The following TARS3 variants were observed in gnomAD, a reference collection of about 807,000 sequenced individuals.
TARS3 encodes threonyl-tRNA synthetase 3, also known as threonine--tRNA ligase 2, cytoplasmic.
Under a neutral mutation model 103.5 loss-of-function variants are expected in TARS3, and 94 were observed. The observed-to-expected ratio is 0.91, with a 90% confidence interval of 0.77 to 1.08. The LOEUF (loss-of-function observed/expected upper bound fraction) is 1.08, where lower values mean the gene tolerates loss of function less well. TARS3 is among the 50% of genes least tolerant of loss of function. The pLI, the probability that TARS3 is intolerant of heterozygous loss-of-function variation, is 0.00. For synonymous variants in TARS3, 416 were observed against 355.4 expected (o/e 1.17, Z -1.92); for missense variants, 952 against 995.2 (o/e 0.96, Z 0.58).
rs1897128806 is a variant in TARS3, at chr15:101,654,578, G to A, written c.*4C>T. The A allele has an allele frequency of 5.6e-6, 9 of 1,607,116 alleles. No homozygotes were observed. The highest frequency in any genetic ancestry group is 4.5e-5 in the South Asian group (4 of 89,750). On this transcript the variant is annotated 3_prime_UTR_variant, in exon 19 of 19. Coordinates refer to ENST00000335968, the MANE Select transcript of TARS3 (RefSeq NM_152334.3). ...TACACAGAAGCAAATATCAGGGAAG[G>A]ACTTCAAAAGGCCTCCTCAGCATTG...
chr15:101,724,063 C>T, intron 1 of TARS3, 28 bp downstream of exon 1: 1 of 1,344,900 alleles, frequency 7.4e-7, no homozygotes, highest in Non-Finnish European at 9.5e-7. Context: ...CGCCCGCGTC[C>T]TCTCCAGTGT....
At chr15:101,672,021 G>A (rs987287551) in intron 13 of TARS3, among the ~76,000 whole-genome samples, 6 of 152,044 alleles carry the variant, frequency 3.9e-5, no homozygotes, top group African/African-American at 1.4e-4. Context: ...TTAGGGAGGG[G>A]TCGCTTTTGA....
chr15:101,705,713 T>G lies in TARS3; in HGVS notation c.965A>C (p.Lys322Thr), dbSNP rs1205927856. ...NKFKCRILNEKVNTATTTVYR... is the reference protein window; with the variant it reads ...NKFKCRILNETVNTATTTVYR... ...CACGGTGGTAGTTGCAGTGTTAACT[T>G]TCTCATTCAGAATGCGGCATTTAAA... is the stretch of plus-strand genomic sequence containing the variant. Residue 322 changes from lysine (K) to threonine (T), a missense_variant, in exon 7 of 19, where the codon AAA becomes ACA. Transcript: ENST00000335968. The G allele has an allele frequency of 1.2e-6, 2 of 1,611,500 alleles. No individual in the cohort carries two copies. The highest frequency in any genetic ancestry group is 2.2e-5 in the East Asian group (1 of 44,874).
At chr15:101,701,062 T>C (rs763131428) in intron 10 of TARS3, 24 bp downstream of exon 10, 8 of 1,408,888 alleles carry the variant, frequency 5.7e-6, no homozygotes, top group Non-Finnish European at 7.7e-6. Context: ...TGAATAAGAA[T>C]AAAACATTTT....
At chr15:101,654,992 A>G (rs554696806) in intron 18 of TARS3, among the ~76,000 whole-genome samples, 1 of 152,256 alleles carries the variant, frequency 6.6e-6, no homozygotes, top group African/African-American at 2.4e-5. Context: ...ACAGACTCAC[A>G]CTGACTGCAC....
At chr15:101,670,244 G>C (rs1336289007) in intron 15 of TARS3, among the ~76,000 whole-genome samples, 2 of 152,142 alleles carry the variant, frequency 1.3e-5, no homozygotes, top group East Asian at 1.9e-4. Context: ...CTACAGACCA[G>C]GGTAAAATAT....
chr15:101,678,536 T>G lies in TARS3; in HGVS notation c.1651-2799A>C, dbSNP rs148248534. Among the ~76,000 whole-genome samples the G allele has an allele frequency of 2.9e-3, 437 of 152,150 alleles. 2 individuals carry two copies. Among genetic ancestry groups the G allele is most frequent in the African/African-American group, 9.9e-3 (412 of 41,542 alleles). On this transcript the variant is annotated intron_variant, in intron 12 of 18. Coordinates refer to ENST00000335968, the MANE Select transcript of TARS3 (RefSeq NM_152334.3). ...TTTTTATTGGTTTCTCTAGGTATTA[T>G]ATAACTTATCAGTCCAGATATTGTC...
chr15:101,705,287 G>A (rs1403464069), intron 7 of TARS3, among the ~76,000 whole-genome samples: 1 of 152,208 alleles, frequency 6.6e-6, no homozygotes, highest in East Asian at 1.9e-4. Flanking sequence ...CTGGACAATG[G>A]GGCAGACTCT....
At chr15:101,700,808 A>C (rs887923953) in intron 10 of TARS3, among the ~76,000 whole-genome samples, 1 of 151,962 alleles carries the variant, frequency 6.6e-6, no homozygotes, top group Non-Finnish European at 1.5e-5. Context: ...CACTCGGCTA[A>C]TTTTTGTATT....
chr15:101,666,868 T>G (rs1320130614), intron 15 of TARS3, among the ~76,000 whole-genome samples: 1 of 152,238 alleles, frequency 6.6e-6, no homozygotes, highest in Non-Finnish European at 1.5e-5. Context: ...CTTTAAAACA[T>G]GTACTATGAT....
chr15:101,656,078 A>G, intron 18 of TARS3: 1 of 1,283,772 alleles, frequency 7.8e-7, no homozygotes, highest in South Asian at 1.2e-5. Flanking sequence ...CCAGAGCAAG[A>G]CAGGAACGAG....
At chr15:101,719,644 A>G (rs1283073669) in intron 3 of TARS3, among the ~76,000 whole-genome samples, 2 of 152,218 alleles carry the variant, frequency 1.3e-5, no homozygotes, top group Non-Finnish European at 2.9e-5. Flanking sequence ...GAAGCCAGCC[A>G]CTATGGGGTC....
chr15:101,661,872 C>A (rs777443281), intron 15 of TARS3, 56 bp from the exon 16 acceptor site: 1 of 1,069,672 alleles, frequency 9.3e-7, no homozygotes, highest in South Asian at 1.8e-5. Context: ...TAACTATCTT[C>A]TAGCCTTATA....
intron 3 of TARS3, among the ~76,000 whole-genome samples, chr15:101,720,176 C>T (rs538643270): frequency 2.6e-5 from 4 of 152,146 alleles, no homozygotes; most frequent in South Asian, 4.1e-4. Context: ...CAATCTTAGC[C>T]ATAGTTTTCA....
intron 4 of TARS3, 161 bp downstream of exon 4, chr15:101,714,679 C>T (rs1010072386): frequency 9.7e-6 from 3 of 309,822 alleles, no homozygotes; most frequent in East Asian, 7.9e-5. Context: ...TATTTGTATA[C>T]ATTCATGCCA....
At chr15:101,656,491 T>A (rs528193638) in intron 18 of TARS3, among the ~76,000 whole-genome samples, 4 of 152,380 alleles carry the variant, frequency 2.6e-5, no homozygotes, top group Admixed American at 2.6e-4. Flanking sequence ...TTACTTTTCA[T>A]CTAAATCTTT....
intron 10 of TARS3, among the ~76,000 whole-genome samples, chr15:101,699,017 C>T (rs1240563909): frequency 6.6e-6 from 1 of 152,126 alleles, no homozygotes; most frequent in East Asian, 1.9e-4. Flanking sequence ...AATCTCTGAT[C>T]GAATTCAATG....
intron 5 of TARS3, among the ~76,000 whole-genome samples, chr15:101,711,021 T>C (rs907567373): frequency 1.3e-5 from 2 of 152,162 alleles, no homozygotes; most frequent in African/African-American, 4.8e-5. Flanking sequence ...GATTCAAGCA[T>C]AGGCCTATGG....
At chr15:101,662,770 G>C (rs1432715462) in intron 15 of TARS3, among the ~76,000 whole-genome samples, 1 of 152,056 alleles carries the variant, frequency 6.6e-6, no homozygotes, top group African/African-American at 2.4e-5. Flanking sequence ...GGAAGAAAGA[G>C]AAGCAAACTG....
Sources: allele counts gnomAD v4.1 joint callset (sites outside exome capture counted in the v4.1 genomes callset), GRCh38; gene constraint gnomAD v4.1.1; transcripts MANE v1.5; gene names NCBI Gene and HGNC (gene_info 2026-07-23, HGNC 2026-07-21).